DACH1: variants seen among roughly 807,000 people sequenced by gnomAD.
DACH1 encodes the protein dachshund family transcription factor 1, also known as dachshund homolog 1.
Under a neutral mutation model 54.2 loss-of-function variants are expected in DACH1, and 12 were observed. The ratio of observed to expected loss-of-function variants is 0.22; its 90% CI spans 0.14 to 0.36. The LOEUF (loss-of-function observed/expected upper bound fraction) is 0.36, where lower values mean the gene tolerates loss of function less well. DACH1 is among the 10% of genes least tolerant of loss of function. The pLI, the probability that DACH1 is intolerant of heterozygous loss-of-function variation, is 1.00. For synonymous variants in DACH1, 386 were observed against 366.2 expected (o/e 1.05, Z -0.62); for missense variants, 805 against 929.8 (o/e 0.87, Z 1.75).
At chr13:71,584,082 T>C (rs866484188) in intron 3 of DACH1, among the ~76,000 whole-genome samples, 1 of 152,196 alleles carries the variant, frequency 6.6e-6, no homozygotes, top group African/African-American at 2.4e-5. Flanking sequence ...AAGATCATCA[T>C]ATACAGATGC....
intron 1 of DACH1, among the ~76,000 whole-genome samples, chr13:71,802,182 AT>A (rs1400916210): frequency 6.6e-6 from 1 of 151,986 alleles, no homozygotes; most frequent in Non-Finnish European, 1.5e-5. Flanking sequence ...TGATTAAAGC[AT>A]TTTAATCCTT....
chr13:71,634,670 T>C (rs1877340775), intron 2 of DACH1, among the ~76,000 whole-genome samples: 1 of 152,140 alleles, frequency 6.6e-6, no homozygotes, highest in South Asian at 2.1e-4. Context: ...GGCTTACTCT[T>C]TTAAAGAGCT....
Position 71,557,029 on chromosome 13 carries a change from T to C in DACH1, c.1565A>G (p.Glu522Gly), listed in dbSNP as rs780999305. The C allele has an allele frequency of 6.3e-7, 1 of 1,598,428 alleles. No homozygotes were observed. The highest frequency in any genetic ancestry group is 1.1e-5 in the South Asian group (1 of 88,490). Residue 522 changes from glutamate (E) to glycine (G), a missense_variant, in exon 6 of 11, where the codon GAA (glutamate) becomes GGA (glycine). Transcript: ENST00000613252. ...MGHESKRMHI[E>G]KDETPLSTPT... ...AATATATAATCATACATTACCTTTT[T>C]CAATATGCATCCTTTTTGACTCATG...
At chr13:71,553,613 TTA>T (rs199936005) in intron 6 of DACH1, among the ~76,000 whole-genome samples, 14,604 of 145,908 alleles carry the variant, frequency 0.1, 1,404 homozygotes, top group East Asian at 0.41. Flanking sequence ...TTTTATATTG[TTA>T]TATATATAAC....
At chr13:71,779,157 AC>A (rs1054597989) in intron 1 of DACH1, among the ~76,000 whole-genome samples, 15 of 78,850 alleles carry the variant, frequency 1.9e-4, no homozygotes, top group African/African-American at 6.6e-4. Flanking sequence ...ACACATATAT[AC>A]GTATATACGT....
chr13:71,492,501 A>AT (rs1879061655), intron 6 of DACH1, among the ~76,000 whole-genome samples: 1 of 152,152 alleles, frequency 6.6e-6, no homozygotes, highest in African/African-American at 2.4e-5. Context: ...GCTAAAAGAG[A>AT]TAAAAAATGG....
chr13:71,743,778 A>G (rs1884499718), intron 1 of DACH1, among the ~76,000 whole-genome samples: 1 of 152,208 alleles, frequency 6.6e-6, no homozygotes, highest in East Asian at 1.9e-4. Context: ...GTTAGCAAAA[A>G]AGAAAATTAT....
chr13:71,692,131 A>C (rs1217628675), intron 1 of DACH1, among the ~76,000 whole-genome samples: 1 of 152,104 alleles, frequency 6.6e-6, no homozygotes, highest in Non-Finnish European at 1.5e-5. Flanking sequence ...TTAAAAGGTC[A>C]TTTATTAAAG....
At chr13:71,704,341 G>A (rs1364653051) in intron 1 of DACH1, 4 of 423,808 alleles carry the variant, frequency 9.4e-6, no homozygotes, top group South Asian at 2.1e-5. Flanking sequence ...TGCTCCACAG[G>A]TGTTACCATG....
At chr13:71,692,154 A>T (rs1881513959) in intron 1 of DACH1, among the ~76,000 whole-genome samples, 1 of 152,130 alleles carries the variant, frequency 6.6e-6, no homozygotes, top group Non-Finnish European at 1.5e-5. Context: ...AACACTTCAT[A>T]AAGTATTAAA....
intron 1 of DACH1, among the ~76,000 whole-genome samples, chr13:71,822,157 T>C (rs1325351): frequency 0.63 from 96,436 of 152,020 alleles, 30,829 homozygotes; most frequent in South Asian, 0.71. Context: ...CAATGAAATC[T>C]AGTTCTAAAT....
intron 1 of DACH1, among the ~76,000 whole-genome samples, chr13:71,844,663 C>T (rs1873103853): frequency 6.6e-6 from 1 of 152,028 alleles, no homozygotes; most frequent in African/African-American, 2.4e-5. Flanking sequence ...GCTATACCAC[C>T]GTTAACTCCT....
At chr13:71,473,468 A>ATT (rs1385875491) in intron 10 of DACH1, among the ~76,000 whole-genome samples, 1 of 152,200 alleles carries the variant, frequency 6.6e-6, no homozygotes, top group Non-Finnish European at 1.5e-5. Context: ...AGTTGTCAAC[A>ATT]TTTCAGCCTC....
At chr13:71,748,899 T>C (rs1442105531) in intron 1 of DACH1, among the ~76,000 whole-genome samples, 6 of 15,404 alleles carry the variant, frequency 3.9e-4, no homozygotes, top group Non-Finnish European at 1.4e-3. Flanking sequence ...TCTTTCTTTC[T>C]CTTTCTTTCT....
chr13:71,631,325 C>T (rs925284435), intron 2 of DACH1, among the ~76,000 whole-genome samples: 1 of 152,280 alleles, frequency 6.6e-6, no homozygotes, highest in Admixed American at 6.5e-5. Flanking sequence ...CATTCCATGG[C>T]CCCCAGCTGC....
intron 6 of DACH1, among the ~76,000 whole-genome samples, chr13:71,550,019 T>C (rs1289891912): frequency 6.6e-6 from 1 of 152,184 alleles, no homozygotes; most frequent in Admixed American, 6.6e-5. Context: ...TCCAAAACTG[T>C]ACACATTACA....
chr13:71,493,987 T>C (rs1294719088), intron 6 of DACH1, among the ~76,000 whole-genome samples: 6 of 152,310 alleles, frequency 3.9e-5, no homozygotes, highest in Non-Finnish European at 7.3e-5. Context: ...TTTTCTTTTA[T>C]TAAATTAGAT....
At chr13:71,672,708 C>T (rs1489026713) in intron 2 of DACH1, among the ~76,000 whole-genome samples, 4 of 152,192 alleles carry the variant, frequency 2.6e-5, no homozygotes, top group Non-Finnish European at 2.9e-5. Context: ...TAGGAAGGGA[C>T]GTAAGATACC....
chr13:71,799,932 C>A (rs1235191323), intron 1 of DACH1, among the ~76,000 whole-genome samples: 2 of 151,954 alleles, frequency 1.3e-5, no homozygotes, highest in African/African-American at 4.8e-5. Flanking sequence ...TATTAGTGAT[C>A]AGTTTATGGA....
Sources: gnomAD v4.1 joint callset for allele counts (sites outside exome capture counted in the v4.1 genomes callset) on GRCh38, gnomAD v4.1.1 for gene constraint, MANE v1.5 for transcripts, NCBI Gene and HGNC (gene_info 2026-07-23, HGNC 2026-07-21) for gene names.